Variants in FIGN observed in about 807,000 individuals in gnomAD.
The protein encoded by FIGN is fidgetin.
A neutral mutation model predicts 51.3 loss-of-function variants in FIGN; 11 were observed. The ratio of observed to expected loss-of-function variants is 0.21; its 90% CI spans 0.13 to 0.35. FIGN has a LOEUF of 0.35. Ranked by LOEUF, FIGN falls within the 10% of genes least tolerant of loss-of-function variation. The pLI is 1.00. For missense variants in FIGN, 857 were observed against 943.6 expected (o/e 0.91, Z 1.20); for synonymous variants, 407 against 363.2 (o/e 1.12, Z -1.37).
intron 2 of FIGN, among the ~76,000 whole-genome samples, chr2:163,677,511 T>A (rs148253554): frequency 6.6e-6 from 1 of 152,362 alleles, no homozygotes; most frequent in Non-Finnish European, 1.5e-5. Context: ...ATTTTATTAA[T>A]TTAAACAAAT....
intron 2 of FIGN, among the ~76,000 whole-genome samples, chr2:163,645,966 G>T: frequency 6.6e-6 from 1 of 152,096 alleles, no homozygotes; most frequent in East Asian, 1.9e-4. Context: ...GACTATATTT[G>T]CATATTTAAA....
intron 2 of FIGN, among the ~76,000 whole-genome samples, chr2:163,660,392 A>G (rs1683634087): frequency 6.6e-6 from 1 of 152,080 alleles, no homozygotes. Flanking sequence ...AATGTGCTGA[A>G]TTGTCACAGC....
At position 163,611,172 on chromosome 2, in the gene FIGN, T is replaced by C; in HGVS notation, c.660A>G (p.Leu220=). The C allele has an allele frequency of 2.5e-6, 4 of 1,614,004 alleles. No homozygotes were observed. The highest frequency in any genetic ancestry group is 3.3e-4 in the Middle Eastern group (2 of 6,062). The change falls in exon 3 of 3, where the codon CTA becomes CTG. Residue 220 remains leucine (L), a synonymous_variant. Transcript: ENST00000333129. ...GCGGAGGAGGTGGTGGTGGGGGCTG[T>C]AGTAGCCCAGAGCTATGCAAAGGAG... ...HPSPLHSSGL[L]QPPPPPPPPP...
intron 2 of FIGN, among the ~76,000 whole-genome samples, chr2:163,704,625 T>TTCTC (rs751888499): frequency 0.034 from 1,239 of 36,298 alleles, 33 homozygotes; most frequent in East Asian, 0.12. Flanking sequence ...GTCTCTCTCT[T>TTCTC]TCTCTCTCTC....
intron 2 of FIGN, among the ~76,000 whole-genome samples, chr2:163,690,295 T>C (rs1325492721): frequency 1.3e-5 from 2 of 152,152 alleles, no homozygotes; most frequent in Non-Finnish European, 2.9e-5. Flanking sequence ...GACATAATTG[T>C]AGTTCAAAAC....
intron 2 of FIGN, among the ~76,000 whole-genome samples, chr2:163,646,467 T>C (rs1294427290): frequency 6.6e-6 from 1 of 152,200 alleles, no homozygotes; most frequent in African/African-American, 2.4e-5. Context: ...CTTTTCAAGC[T>C]TTGGAGTCAC....
intron 2 of FIGN, among the ~76,000 whole-genome samples, chr2:163,676,468 TATATATATATATATAA>T (rs1369943669): frequency 0.012 from 1,261 of 106,582 alleles, 66 homozygotes; most frequent in Non-Finnish European, 0.016. Flanking sequence ...TATATATATA[TATATATATATATATAA>T]CTAGAGTCTG....
At chr2:163,720,877 G>T (rs540940829) in intron 2 of FIGN, among the ~76,000 whole-genome samples, 1 of 152,106 alleles carries the variant, frequency 6.6e-6, no homozygotes, top group African/African-American at 2.4e-5. Context: ...TAGGCCAAAA[G>T]GACAAATATA....
At chr2:163,650,052 G>T (rs1235900180) in intron 2 of FIGN, among the ~76,000 whole-genome samples, 1 of 152,024 alleles carries the variant, frequency 6.6e-6, no homozygotes, top group Non-Finnish European at 1.5e-5. Context: ...CTATGCAGAG[G>T]GCAGAAGGGA....
At chr2:163,682,774 G>T (rs539422240) in intron 2 of FIGN, among the ~76,000 whole-genome samples, 1 of 152,140 alleles carries the variant, frequency 6.6e-6, no homozygotes, top group African/African-American at 2.4e-5. Flanking sequence ...ACACCTGTAC[G>T]TATAGGGCCT....
intron 2 of FIGN, among the ~76,000 whole-genome samples, chr2:163,629,230 T>C (rs1306880602): frequency 1.3e-5 from 2 of 152,010 alleles, no homozygotes; most frequent in African/African-American, 4.8e-5. Context: ...AAAAATAAAG[T>C]AGAGAACACG....
In FIGN at chr2:163,611,571, T is replaced by G. The variant is rs932558035; in HGVS notation, c.261A>C (p.Val87=). 2 of 1,614,224 alleles carry G rather than the reference T, an allele frequency of 1.2e-6. No individual in the cohort carries two copies. Among genetic ancestry groups the G allele is most frequent in the Non-Finnish European group, 1.7e-6 (2 of 1,180,022 alleles). ...GILEGPVDRP[V]LSNYSDTPSG... is the part of the protein sequence containing the mutation. ...ATGGTGTGTCCGAATAGTTGCTGAGTACGGGTCGGTCCACAGGACCTTCCA... is the reference window on the plus strand; with the variant it reads ...ATGGTGTGTCCGAATAGTTGCTGAGGACGGGTCGGTCCACAGGACCTTCCA... Residue 87 remains valine, a synonymous_variant, in exon 3 of 3, where the codon GTA becomes GTC. Coordinates refer to ENST00000333129, the MANE Select transcript of FIGN (RefSeq NM_018086.4).
intron 2 of FIGN, among the ~76,000 whole-genome samples, chr2:163,643,310 A>G (rs1361659141): frequency 1.3e-5 from 2 of 152,318 alleles, no homozygotes; most frequent in African/African-American, 4.8e-5. Context: ...GTGATAGGAC[A>G]AGTAGGTAGC....
intron 2 of FIGN, chr2:163,612,589 A>G (rs1439465612): frequency 1.0e-6 from 1 of 983,700 alleles, no homozygotes; most frequent in Non-Finnish European, 1.2e-6. Context: ...GAGTCTCTGA[A>G]AAAAAAAACA....
intron 2 of FIGN, among the ~76,000 whole-genome samples, chr2:163,698,906 T>C (rs1018654412): frequency 8.5e-5 from 13 of 152,180 alleles, no homozygotes; most frequent in African/African-American, 3.1e-4. Flanking sequence ...AAAGTTTTCT[T>C]GTTTTAACAG....
chr2:163,708,696 G>C (rs1684540337), intron 2 of FIGN, among the ~76,000 whole-genome samples: 1 of 152,234 alleles, frequency 6.6e-6, no homozygotes, highest in Admixed American at 6.5e-5. Context: ...CTAAAAGTGA[G>C]GTTAGGAGAA....
chr2:163,726,340 G>A (rs532700448), intron 2 of FIGN, among the ~76,000 whole-genome samples: 1 of 152,000 alleles, frequency 6.6e-6, no homozygotes, highest in Non-Finnish European at 1.5e-5. Flanking sequence ...ATAAGGGCAG[G>A]GGGGATAAGA....
chr2:163,715,284 G>A (rs1017394036), intron 2 of FIGN, among the ~76,000 whole-genome samples: 2 of 152,162 alleles, frequency 1.3e-5, no homozygotes, highest in Non-Finnish European at 2.9e-5. Context: ...GTATCTTGGA[G>A]TCATTAGCTA....
In FIGN at chr2:163,603,932, G is replaced by A. The variant is rs1691030654; in HGVS notation, c.*5620C>T. On this transcript the variant is annotated 3_prime_UTR_variant, in exon 3 of 3. Transcript: ENST00000333129. ...TCAATGTGCCATTAGTTGTACAATT[G>A]CTTCAATAAACAAATACATGTTATA... The A allele has an allele frequency of 6.6e-6, 1 of 151,994 alleles. No homozygotes were observed. Among genetic ancestry groups the A allele is most frequent in the African/African-American group, 2.4e-5 (1 of 41,406 alleles). 9.4% of individuals were successfully genotyped at this position (151,994 alleles called of 1,614,324 possible). A position where few individuals can be genotyped will look rare whatever the true frequency, so the allele number is the denominator to read the frequency against.
Sources: gnomAD v4.1 joint callset for allele counts (sites outside exome capture counted in the v4.1 genomes callset) on GRCh38, gnomAD v4.1.1 for gene constraint, MANE v1.5 for transcripts, NCBI Gene and HGNC (gene_info 2026-07-23, HGNC 2026-07-21) for gene names.